The following UTRN variants were observed in gnomAD, a reference collection of about 807,000 sequenced individuals.
The protein encoded by UTRN is utrophin.
UTRN carries 283 observed loss-of-function variants against 463.9 expected under a neutral mutation model. The observed-to-expected ratio is 0.61, with a 90% CI of 0.55 to 0.67. UTRN has a LOEUF of 0.67. Ranked by LOEUF, UTRN falls within the 30% of genes least tolerant of loss-of-function variation. The probability of loss-of-function intolerance (pLI) is 0.00; values close to 1 mark genes in which losing one functional copy is unlikely to be tolerated. For synonymous variants in UTRN, 1,442 were observed against 1,431.5 expected (o/e 1.01, Z -0.17); for missense variants, 3,922 against 4,084.3 (o/e 0.96, Z 1.08).
At chr6:144,452,144 T>C (rs1788388138) in intron 18 of UTRN, among the ~76,000 whole-genome samples, 3 of 152,200 alleles carry the variant, frequency 2.0e-5, no homozygotes. Flanking sequence ...AAGTAGATAA[T>C]TGCCTTTTTC....
intron 50 of UTRN, among the ~76,000 whole-genome samples, chr6:144,576,544 AT>A (rs1801453599): frequency 6.6e-6 from 1 of 152,092 alleles, no homozygotes; most frequent in South Asian, 2.1e-4. Flanking sequence ...TGCTTCAATT[AT>A]TTTTATTTTG....
rs780217151 is a variant in UTRN, at chr6:144,781,915, T to C, written c.8633-7T>C. ...ACTGTAAACATTCCTTCTTCTCTCC[T>C]GGTTAGTGGATCTCTTAGAGTTGAG... On this transcript the variant is annotated splice_polypyrimidine_tract_variant and splice_region_variant and intron_variant, in intron 60 of 74. Transcript: ENST00000367545. The C allele has an allele frequency of 2.9e-5, 46 of 1,611,632 alleles. No homozygotes were observed. In the Admixed American group the frequency reaches 5.7e-4, roughly 20 times the overall value.
chr6:144,378,893 G>A (rs1378694122), intron 2 of UTRN, among the ~76,000 whole-genome samples: 1 of 152,204 alleles, frequency 6.6e-6, no homozygotes, highest in Non-Finnish European at 1.5e-5. Context: ...GACTCAAGCT[G>A]TATTTAGGAA....
intron 51 of UTRN, among the ~76,000 whole-genome samples, chr6:144,676,604 C>T (rs751966529): frequency 3.3e-5 from 5 of 151,438 alleles, no homozygotes; most frequent in Admixed American, 6.6e-5. Flanking sequence ...TATACATGTG[C>T]CATGTTGGTT....
chr6:144,733,717 C>T (rs945790534), intron 54 of UTRN, among the ~76,000 whole-genome samples: 1 of 152,118 alleles, frequency 6.6e-6, no homozygotes, highest in Non-Finnish European at 1.5e-5. Context: ...TTATGTCCTT[C>T]ATATACAATA....
intron 2 of UTRN, among the ~76,000 whole-genome samples, chr6:144,384,350 G>A (rs990256617): frequency 1.3e-5 from 2 of 152,100 alleles, no homozygotes; most frequent in East Asian, 3.9e-4. Flanking sequence ...GATTCTCATA[G>A]GAGCACGAAC....
At chr6:144,395,518 A>C (rs536715139) in intron 2 of UTRN, among the ~76,000 whole-genome samples, 141 of 152,144 alleles carry the variant, frequency 9.3e-4, no homozygotes, top group Non-Finnish European at 1.6e-3. Context: ...TAGAAAGTGC[A>C]AGTAGAAAAA....
chr6:144,473,344 A>C (rs1790859250), intron 23 of UTRN, among the ~76,000 whole-genome samples: 1 of 152,210 alleles, frequency 6.6e-6, no homozygotes, highest in Non-Finnish European at 1.5e-5. Context: ...TCCTGCTCTG[A>C]GTTACTAACT....
chr6:144,299,222 G>A (rs998443019), intron 2 of UTRN, among the ~76,000 whole-genome samples: 1 of 152,082 alleles, frequency 6.6e-6, no homozygotes, highest in Admixed American at 6.5e-5. Context: ...TGTGGGGTGG[G>A]GTCCCAGCAT....
Position 144,652,537 on chromosome 6 carries a change from A to G in UTRN, c.7480-25869A>G, listed in dbSNP as rs554573293. Among the ~76,000 whole-genome samples the G allele has an allele frequency of 2.6e-5, 4 of 152,328 alleles. No homozygotes were observed. In the East Asian group the frequency reaches 5.8e-4, roughly 22 times the overall value. ...ACTTGAAAGATAAAGCGATGCTTCA[A>G]TTGCCTGGACAAATCAGGCCAGACA... On this transcript the variant is annotated intron_variant, in intron 51 of 74. Transcript: ENST00000367545.
intron 4 of UTRN, 99 bp from the exon 5 acceptor site, chr6:144,423,450 G>A (rs1292225438): frequency 1.6e-6 from 2 of 1,228,034 alleles, no homozygotes; most frequent in Non-Finnish European, 2.4e-6. Context: ...GAGGGGCCCT[G>A]TACGCTGAGC....
intron 23 of UTRN, among the ~76,000 whole-genome samples, chr6:144,471,988 A>C (rs1234233664): frequency 6.6e-6 from 1 of 152,114 alleles, no homozygotes; most frequent in East Asian, 1.9e-4. Context: ...AAGCAAAACC[A>C]CTCAGAGCTC....
chr6:144,708,981 C>T (rs146489425), intron 53 of UTRN, among the ~76,000 whole-genome samples: 23 of 152,292 alleles, frequency 1.5e-4, no homozygotes, highest in African/African-American at 5.5e-4. Flanking sequence ...TGAGCCCACT[C>T]CTGCTATAAC....
chr6:144,372,693 G>A (rs749105223), intron 2 of UTRN, among the ~76,000 whole-genome samples: 2 of 151,864 alleles, frequency 1.3e-5, no homozygotes, highest in Admixed American at 6.6e-5. Flanking sequence ...TTGTAGAGAC[G>A]TGTTTCAGCA....
chr6:144,368,720 G>C (rs1289487291), intron 2 of UTRN, among the ~76,000 whole-genome samples: 1 of 152,006 alleles, frequency 6.6e-6, no homozygotes, highest in East Asian at 1.9e-4. Flanking sequence ...GTTGCAGTGA[G>C]CCCAAATCAT....
chr6:144,433,429 G>C (rs1486115006), intron 9 of UTRN, among the ~76,000 whole-genome samples: 3 of 151,708 alleles, frequency 2.0e-5, no homozygotes, highest in African/African-American at 7.3e-5. Context: ...TCCCAGACGG[G>C]GTGGCTGCCG....
At chr6:144,583,508 G>C (rs986410176) in intron 51 of UTRN, 1 of 715,756 alleles carries the variant, frequency 1.4e-6, no homozygotes, top group Non-Finnish European at 2.6e-6. Flanking sequence ...AATGATGGCT[G>C]TGGTGAGAAC....
chr6:144,498,567 T>A (rs921977515), intron 33 of UTRN, among the ~76,000 whole-genome samples: 2 of 152,168 alleles, frequency 1.3e-5, no homozygotes, highest in Non-Finnish European at 2.9e-5. Context: ...TTCTAAGATA[T>A]CTTATGTTCA....
In UTRN at chr6:144,477,724, C is replaced by T. The variant is rs867783381; in HGVS notation, c.3337-2088C>T. ...GAAACTAATAATGTTATACTCTCAT[C>T]TCTTATCCTAGCTAAATTCAAATTT... On this transcript the variant is annotated intron_variant, in intron 25 of 74. Coordinates refer to ENST00000367545, the MANE Select transcript of UTRN (RefSeq NM_007124.3). Among the ~76,000 whole-genome samples, 4 of 152,168 alleles carry T rather than the reference C, an allele frequency of 2.6e-5. No individual in the cohort carries two copies. In the South Asian group the frequency reaches 8.3e-4, roughly 32 times the overall value.
Sources: allele counts gnomAD v4.1 joint callset (sites outside exome capture counted in the v4.1 genomes callset), GRCh38; gene constraint gnomAD v4.1.1; transcripts MANE v1.5; gene names NCBI Gene and HGNC (gene_info 2026-07-23, HGNC 2026-07-21).